AKAP19: variants seen among roughly 807,000 people sequenced by gnomAD.
The protein encoded by AKAP19 is A-kinase anchoring protein 19.
At chr2:189,910,407 A>T in the AKAP19 span, among the ~76,000 whole-genome samples, 11 of 152,042 alleles carry the variant, frequency 7.2e-5, no homozygotes, top group African/African-American at 2.7e-4. Context: ...TGATTCACAG[A>T]TAGCAGTATT....
chr2:189,989,125 T>C, the AKAP19 span, among the ~76,000 whole-genome samples: 5 of 152,174 alleles, frequency 3.3e-5, no homozygotes, highest in African/African-American at 1.2e-4. Context: ...GTTAGAGTAG[T>C]TTAGTCTTTT....
At chr2:190,000,340 G>A in the AKAP19 span, among the ~76,000 whole-genome samples, 5 of 152,180 alleles carry the variant, frequency 3.3e-5, no homozygotes, top group Non-Finnish European at 7.4e-5. Flanking sequence ...AAAAGATGCT[G>A]GACAGACAAC....
At chr2:189,982,669 T>TG in the AKAP19 span, among the ~76,000 whole-genome samples, 1 of 151,676 alleles carries the variant, frequency 6.6e-6, no homozygotes, top group Admixed American at 6.6e-5. Flanking sequence ...CTTAACTTTT[T>TG]TTTTTTTTTA....
chr2:189,932,629 TGGGGACGTCGA>T, the AKAP19 span, among the ~76,000 whole-genome samples: 6 of 150,076 alleles, frequency 4.0e-5, no homozygotes, highest in African/African-American at 1.5e-4. Flanking sequence ...TGCTTGAACC[TGGGGACGTCGA>T]GGCTGCAGTG....
the AKAP19 span, among the ~76,000 whole-genome samples, chr2:190,152,342 T>C: frequency 7.6e-4 from 116 of 152,338 alleles, no homozygotes; most frequent in Middle Eastern, 6.8e-3. Flanking sequence ...GGCTTTCTTT[T>C]CTTTCAACTT....
At chr2:190,090,988 G>A in the AKAP19 span, 2 of 152,098 alleles carry the variant, frequency 1.3e-5, no homozygotes, top group African/African-American at 4.8e-5. Context: ...CATAAATTTT[G>A]TTGTAATAAA....
chr2:190,136,167 G>C, the AKAP19 span, among the ~76,000 whole-genome samples: 4 of 152,204 alleles, frequency 2.6e-5, no homozygotes, highest in East Asian at 5.8e-4. Context: ...GGAAGGGATA[G>C]AGTGGCTAGA....
chr2:189,992,649 A>G, the AKAP19 span, among the ~76,000 whole-genome samples: 1 of 152,206 alleles, frequency 6.6e-6, no homozygotes, highest in East Asian at 1.9e-4. Context: ...CTACTCATCC[A>G]TGAGCATGGG....
chr2:190,018,853 G>A, the AKAP19 span, among the ~76,000 whole-genome samples: 1 of 152,222 alleles, frequency 6.6e-6, no homozygotes, highest in Admixed American at 6.5e-5. Context: ...AGAACCCTGG[G>A]CAGGCAGAGC....
chr2:190,118,971 A>T, the AKAP19 span, among the ~76,000 whole-genome samples: 1 of 152,232 alleles, frequency 6.6e-6, no homozygotes, highest in Non-Finnish European at 1.5e-5. Context: ...AGAAAACTCC[A>T]TTGTCTCAGC....
chr2:190,104,156 C>A, the AKAP19 span, among the ~76,000 whole-genome samples: 1 of 152,084 alleles, frequency 6.6e-6, no homozygotes, highest in Non-Finnish European at 1.5e-5. Flanking sequence ...GAAACTATAC[C>A]CCCACATTTC....
chr2:189,922,408 C>T, the AKAP19 span, among the ~76,000 whole-genome samples: 1 of 152,186 alleles, frequency 6.6e-6, no homozygotes, highest in Non-Finnish European at 1.5e-5. Context: ...CAGCTTAATC[C>T]ATAACCAATA....
At chr2:189,975,384 C>A in the AKAP19 span, among the ~76,000 whole-genome samples, 2 of 152,172 alleles carry the variant, frequency 1.3e-5, no homozygotes, top group Non-Finnish European at 2.9e-5. Flanking sequence ...TTGTGGGTAA[C>A]CCGACCTTTC....
the AKAP19 span, among the ~76,000 whole-genome samples, chr2:190,033,161 C>T: frequency 6.6e-6 from 1 of 152,128 alleles, no homozygotes. Flanking sequence ...AGCAGCAAGA[C>T]TTTAGCCAGG....
chr2:190,148,641 G>T, the AKAP19 span, among the ~76,000 whole-genome samples: 144,755 of 152,284 alleles, frequency 0.95, 69,249 homozygotes, highest in East Asian at 1. Context: ...GGTCCTGGAC[G>T]ATTTTTGTTG....
At chr2:189,972,795 G>A in the AKAP19 span, among the ~76,000 whole-genome samples, 3 of 152,230 alleles carry the variant, frequency 2.0e-5, no homozygotes, top group East Asian at 1.9e-4. Context: ...TCTGTTATTG[G>A]TGTATAAGAA....
chr2:189,940,890 C>CAA, the AKAP19 span, among the ~76,000 whole-genome samples: 2 of 148,628 alleles, frequency 1.3e-5, no homozygotes, highest in African/African-American at 5.0e-5. Context: ...GACTCCGTCT[C>CAA]AAAAAAAAAA....
the AKAP19 span, among the ~76,000 whole-genome samples, chr2:190,160,754 T>C: frequency 6.6e-6 from 1 of 152,104 alleles, no homozygotes; most frequent in Non-Finnish European, 1.5e-5. Context: ...ATACTAAATA[T>C]TAACTATAAA....
the AKAP19 span, among the ~76,000 whole-genome samples, chr2:190,013,243 A>G: frequency 6.6e-6 from 1 of 152,068 alleles, no homozygotes; most frequent in African/African-American, 2.4e-5. Flanking sequence ...TGGGTATTGG[A>G]TGTTTCTTTG....
Sources: gnomAD v4.1 joint callset for allele counts (sites outside exome capture counted in the v4.1 genomes callset) on GRCh38, gnomAD v4.1.1 for gene constraint, MANE v1.5 for transcripts, NCBI Gene and HGNC (gene_info 2026-07-23, HGNC 2026-07-21) for gene names.